Variants in KCNH7 observed in about 807,000 individuals in gnomAD.
The protein encoded by KCNH7 is potassium voltage-gated channel subfamily H member 7, also known as voltage-gated inwardly rectifying potassium channel KCNH7.
KCNH7 carries 49 observed loss-of-function variants against 120.8 expected under a neutral mutation model. That is an observed-to-expected ratio of 0.41 (90% confidence interval 0.32 to 0.51). The LOEUF (loss-of-function observed/expected upper bound fraction) is 0.51. KCNH7 is among the 20% of genes least tolerant of loss of function. The pLI, the probability that KCNH7 is intolerant of heterozygous loss-of-function variation, is 0.38. For missense variants in KCNH7, 1,097 were observed against 1,446.6 expected, an observed-to-expected ratio of 0.76 and a Z score of 3.92; for synonymous variants, 547 against 516.1, an observed-to-expected ratio of 1.06 and a Z score of -0.81.
chr2:162,390,224 G>T (rs1686703301), intron 12 of KCNH7, among the ~76,000 whole-genome samples: 1 of 151,368 alleles, frequency 6.6e-6, no homozygotes, highest in Non-Finnish European at 1.5e-5. Context: ...AAATGTATGT[G>T]TGTAGTGTAT....
intron 6 of KCNH7, among the ~76,000 whole-genome samples, chr2:162,460,866 G>A (rs981816601): frequency 6.6e-6 from 1 of 152,138 alleles, no homozygotes; most frequent in South Asian, 2.1e-4. Context: ...GTTCTATAGG[G>A]CCTGTGTCCT....
intron 2 of KCNH7, among the ~76,000 whole-genome samples, chr2:162,800,684 T>C (rs1684309669): frequency 6.6e-6 from 1 of 151,974 alleles, no homozygotes; most frequent in Non-Finnish European, 1.5e-5. Flanking sequence ...TTAAAACTAA[T>C]GAAAATAAAA....
chr2:162,565,217 A>G (rs1020068496), intron 2 of KCNH7, among the ~76,000 whole-genome samples: 1 of 151,980 alleles, frequency 6.6e-6, no homozygotes, highest in Non-Finnish European at 1.5e-5. Flanking sequence ...TTCCCCATAT[A>G]GGTATTTTTT....
At chr2:162,488,821 T>G (rs1337016871) in intron 6 of KCNH7, among the ~76,000 whole-genome samples, 1 of 152,198 alleles carries the variant, frequency 6.6e-6, no homozygotes, top group East Asian at 1.9e-4. Context: ...CACTTCCCAG[T>G]GCCAGGGCTC....
intron 2 of KCNH7, among the ~76,000 whole-genome samples, chr2:162,777,102 G>C (rs1683269015): frequency 6.6e-6 from 1 of 151,998 alleles, no homozygotes; most frequent in Non-Finnish European, 1.5e-5. Context: ...ATTCCTAAAG[G>C]GTTTCCTGGA....
intron 2 of KCNH7, among the ~76,000 whole-genome samples, chr2:162,554,639 A>T (rs1358129855): frequency 6.6e-6 from 1 of 151,800 alleles, no homozygotes; most frequent in Non-Finnish European, 1.5e-5. Flanking sequence ...TGTCTCTCTG[A>T]CTATGAGCCC....
intron 12 of KCNH7, among the ~76,000 whole-genome samples, chr2:162,394,061 T>C (rs1208565989): frequency 2.0e-5 from 3 of 151,962 alleles, no homozygotes; most frequent in Non-Finnish European, 4.4e-5. Context: ...TGTAAGAGGA[T>C]TGACCTCTTG....
chr2:162,407,663 C>A (rs1311108361), intron 9 of KCNH7, among the ~76,000 whole-genome samples: 1 of 151,940 alleles, frequency 6.6e-6, no homozygotes, highest in Non-Finnish European at 1.5e-5. Flanking sequence ...GGATCTGCAT[C>A]CTGAGGAGCA....
At chr2:162,483,875 G>A (rs1178846231) in intron 6 of KCNH7, among the ~76,000 whole-genome samples, 1 of 152,112 alleles carries the variant, frequency 6.6e-6, no homozygotes, top group African/African-American at 2.4e-5. Flanking sequence ...TTGAGACTAG[G>A]AGGAGTCAGG....
intron 14 of KCNH7, among the ~76,000 whole-genome samples, chr2:162,374,543 GCTGA>G (rs911123426): frequency 1.3e-5 from 2 of 151,932 alleles, no homozygotes; most frequent in Non-Finnish European, 1.5e-5. Context: ...ACTTATTTGC[GCTGA>G]CTGTTTTGCC....
rs191329751 is a variant in KCNH7, at chr2:162,511,774, G to A, written c.913+880C>T. Among the ~76,000 whole-genome samples the A allele has an allele frequency of 1.4e-3, 220 of 151,818 alleles. 2 individuals carry two copies. Among genetic ancestry groups the A allele is most frequent in the African/African-American group, 5.1e-3 (212 of 41,496 alleles). ...GTCAGTGTACCAGTGACATACAGGA[G>A]AGAGTGGTCAAAACAGTGAATTCTA... On this transcript the variant is annotated intron_variant, in intron 5 of 15. Coordinates refer to ENST00000332142, the MANE Select transcript of KCNH7 (RefSeq NM_033272.4).
chr2:162,733,893 T>G (rs1687814070), intron 2 of KCNH7, among the ~76,000 whole-genome samples: 1 of 152,152 alleles, frequency 6.6e-6, no homozygotes, highest in Non-Finnish European at 1.5e-5. Flanking sequence ...TGAATGTAAA[T>G]TAATATTAAC....
At position 162,435,178 on chromosome 2, in the gene KCNH7, C is replaced by T. The variant is rs1017265334; in HGVS notation, c.1954+20G>A. Reference sequence around the variant, plus strand: ...GGTATTATTCTATCCTAATAGACAACAGAAGAGAAAGCTACTTACAGCCAA... The same window carrying T: ...GGTATTATTCTATCCTAATAGACAATAGAAGAGAAAGCTACTTACAGCCAA... On this transcript the variant is annotated intron_variant, in intron 8 of 15. Coordinates refer to ENST00000332142, the MANE Select transcript of KCNH7 (RefSeq NM_033272.4). 3.8e-6 allele frequency: 6 copies of T among 1,596,284 alleles called. No homozygotes were observed. In the Admixed American group the frequency reaches 5.1e-5, roughly 14 times the overall value.
intron 2 of KCNH7, among the ~76,000 whole-genome samples, chr2:162,812,716 GAAGTTA>G (rs1175728863): frequency 6.6e-6 from 1 of 152,106 alleles, no homozygotes; most frequent in Non-Finnish European, 1.5e-5. Context: ...TAAGGTTTGA[GAAGTTA>G]AAGTACAGAT....
Position 162,838,700 on chromosome 2 carries a change from A to G in KCNH7, c.-182T>C. 1 of 509,132 alleles carries G rather than the reference A, an allele frequency of 2.0e-6. No homozygotes were observed. The highest frequency in any genetic ancestry group is 2.0e-5 in the African/African-American group (1 of 50,680). The allele number at this position is 509,132 out of a possible 1,614,324, so 31.5% of individuals were successfully genotyped here. A position where few individuals can be genotyped will look rare whatever the true frequency, so the allele number is the denominator to read the frequency against. On this transcript the variant is annotated 5_prime_UTR_variant, in exon 1 of 16. Coordinates refer to ENST00000332142, the MANE Select transcript of KCNH7 (RefSeq NM_033272.4). ...ACACCCGCTTTCCCCACCGGAGTCCAATCCATTCCCCTCACCTTCCGGAGG... is the reference window on the plus strand; with the variant it reads ...ACACCCGCTTTCCCCACCGGAGTCCGATCCATTCCCCTCACCTTCCGGAGG...
chr2:162,598,072 C>T lies in KCNH7; in HGVS notation c.308-60992G>A, dbSNP rs142875370. Among the ~76,000 whole-genome samples the T allele has an allele frequency of 5.2e-3, 786 of 151,980 alleles. 10 individuals carry two copies. Among genetic ancestry groups the T allele is most frequent in the African/African-American group, 0.018 (748 of 41,468 alleles). The stretch of plus-strand genomic sequence containing the variant: ...CTGCATTTATACTCTTGTTTATTTC[C>T]GTTTTTTCCCCACCTTAGAGATAGC... On this transcript the variant is annotated intron_variant, in intron 2 of 15. Transcript: ENST00000332142.
intron 14 of KCNH7, among the ~76,000 whole-genome samples, chr2:162,374,709 T>A (rs993884539): frequency 2.0e-5 from 3 of 152,066 alleles, no homozygotes; most frequent in Admixed American, 6.6e-5. Context: ...TGAGAAAATA[T>A]CTTCTTTTTT....
rs200401619 is a variant in KCNH7, at chr2:162,762,200, TTTTG to T, written c.307+74333_307+74336del. Among the ~76,000 whole-genome samples the T allele has an allele frequency of 2.3e-3, 352 of 152,154 alleles. 3 individuals carry two copies. Among genetic ancestry groups the T allele is most frequent in the East Asian group, 0.02 (102 of 5,180 alleles). ...GATCTCCTTTCCTTTTTCATGGCTT[TTTTG>T]TTTGTTTGTTTTTTTTCTACACAAT... is the stretch of plus-strand genomic sequence containing the variant. On this transcript the variant is annotated intron_variant, in intron 2 of 15. Coordinates refer to ENST00000332142, the MANE Select transcript of KCNH7 (RefSeq NM_033272.4).
At chr2:162,631,927 G>A (rs1329330131) in intron 2 of KCNH7, among the ~76,000 whole-genome samples, 2 of 151,892 alleles carry the variant, frequency 1.3e-5, no homozygotes, top group Admixed American at 6.6e-5. Context: ...AACCCACGCC[G>A]AAAAGAATCA....
Sources: allele counts gnomAD v4.1 joint callset (sites outside exome capture counted in the v4.1 genomes callset), GRCh38; gene constraint gnomAD v4.1.1; transcripts MANE v1.5; gene names NCBI Gene and HGNC (gene_info 2026-07-23, HGNC 2026-07-21).